Variants in NAALADL2 observed in about 807,000 individuals in gnomAD.
NAALADL2 encodes N-acetylated alpha-linked acidic dipeptidase like 2.
A neutral mutation model predicts 87.2 loss-of-function variants in NAALADL2; 76 were observed. The observed-to-expected ratio is 0.87, with a 90% CI of 0.72 to 1.05. The LOEUF is 1.05. Ranked by LOEUF, NAALADL2 falls within the 50% of genes least tolerant of loss-of-function variation. The pLI is 0.00. For missense variants in NAALADL2, 1,089 were observed against 945.8 expected (o/e 1.15, Z -1.99); for synonymous variants, 354 against 331.0 (o/e 1.07, Z -0.75).
chr3:175,530,873 C>T (rs1411611726), intron 9 of NAALADL2, among the ~76,000 whole-genome samples: 4 of 152,160 alleles, frequency 2.6e-5, no homozygotes, highest in African/African-American at 9.7e-5. Flanking sequence ...CATGTGGTGA[C>T]TTGATGACCC....
chr3:175,280,845 C>A (rs1275255052), intron 4 of NAALADL2, among the ~76,000 whole-genome samples: 1 of 151,930 alleles, frequency 6.6e-6, no homozygotes, highest in Non-Finnish European at 1.5e-5. Flanking sequence ...ACTTGTTTGA[C>A]CATTTTTAAT....
intron 2 of NAALADL2, among the ~76,000 whole-genome samples, chr3:174,698,103 T>A (rs1229352598): frequency 2.0e-5 from 3 of 151,904 alleles, no homozygotes; most frequent in African/African-American, 7.3e-5. Flanking sequence ...AAAATAATAA[T>A]AAATACCAAT....
intron 2 of NAALADL2, among the ~76,000 whole-genome samples, chr3:174,689,593 G>A (rs1728374632): frequency 6.6e-6 from 1 of 151,884 alleles, no homozygotes; most frequent in Non-Finnish European, 1.5e-5. Context: ...AAATCTCCAG[G>A]TAGTTCTCCT....
chr3:174,669,551 A>G lies in NAALADL2; in HGVS notation c.-114-68090A>G, dbSNP rs143833072. 2.8e-3 allele frequency among the ~76,000 whole-genome samples: 427 copies of G among 152,152 alleles called. 4 individuals carry two copies. Among genetic ancestry groups the G allele is most frequent in the Admixed American group, 0.014 (210 of 15,260 alleles). On this transcript the variant is annotated intron_variant, in intron 2 of 3. Coordinates refer to the NAALADL2 transcript ENST00000434257. ...CTCTTGTCAAAGGTAATTTGACCGT[A>G]TATGTTAAGGTTTATATCTAGGTTC... is the stretch of plus-strand genomic sequence containing the variant.
At chr3:174,961,060 TATATC>T (rs1477244541) in intron 1 of NAALADL2, among the ~76,000 whole-genome samples, 3 of 147,118 alleles carry the variant, frequency 2.0e-5, no homozygotes, top group Non-Finnish European at 4.5e-5. Context: ...ATATATTAAA[TATATC>T]ATATGTATTA....
intron 2 of NAALADL2, among the ~76,000 whole-genome samples, chr3:175,133,503 C>T (rs913149545): frequency 2.0e-5 from 3 of 152,190 alleles, no homozygotes; most frequent in Admixed American, 6.5e-5. Flanking sequence ...GCGGATCACT[C>T]GCAGCTAGGA....
chr3:174,778,692 T>C (rs1449464963), intron 3 of NAALADL2, among the ~76,000 whole-genome samples: 2 of 152,106 alleles, frequency 1.3e-5, no homozygotes, highest in Non-Finnish European at 2.9e-5. Flanking sequence ...TATGTTCTCA[T>C]TGTTCAACTC....
At chr3:175,086,868 C>A (rs908477678) in intron 1 of NAALADL2, among the ~76,000 whole-genome samples, 1 of 152,222 alleles carries the variant, frequency 6.6e-6, no homozygotes, top group Admixed American at 6.5e-5. Context: ...GATTATTTAT[C>A]ATCCTTTCTT....
chr3:174,835,845 C>T (rs1723271161), intron 3 of NAALADL2, among the ~76,000 whole-genome samples: 1 of 152,066 alleles, frequency 6.6e-6, no homozygotes, highest in Non-Finnish European at 1.5e-5. Flanking sequence ...AGAAAAATAG[C>T]AAATAACAAG....
chr3:175,151,741 G>A (rs1344342786), intron 2 of NAALADL2, among the ~76,000 whole-genome samples: 1 of 152,034 alleles, frequency 6.6e-6, no homozygotes, highest in Non-Finnish European at 1.5e-5. Context: ...AAAAACCTAT[G>A]TAAAAAATAG....
chr3:174,634,315 A>C (rs1046213016), intron 2 of NAALADL2, among the ~76,000 whole-genome samples: 19 of 152,216 alleles, frequency 1.2e-4, no homozygotes, highest in African/African-American at 4.3e-4. Context: ...TACCTCCACA[A>C]ATCTTTGTGT....
At chr3:174,881,841 A>G (rs888220541) in intron 1 of NAALADL2, among the ~76,000 whole-genome samples, 15 of 152,148 alleles carry the variant, frequency 9.9e-5, no homozygotes. Flanking sequence ...GAGAAATGCA[A>G]TTTCAAAGAG....
At chr3:174,568,406 G>A (rs753787187) in intron 2 of NAALADL2, among the ~76,000 whole-genome samples, 6 of 151,826 alleles carry the variant, frequency 4.0e-5, no homozygotes, top group Admixed American at 1.3e-4. Flanking sequence ...TCACCACACC[G>A]TATTGCTTGC....
chr3:174,863,578 G>GAA (rs535994765), intron 1 of NAALADL2, among the ~76,000 whole-genome samples: 1 of 142,984 alleles, frequency 7.0e-6, no homozygotes, highest in Non-Finnish European at 1.5e-5. Context: ...ATAAGTAAAA[G>GAA]AAAAAAAAAA....
At chr3:174,810,255 G>A (rs1720020292) in intron 3 of NAALADL2, among the ~76,000 whole-genome samples, 1 of 152,132 alleles carries the variant, frequency 6.6e-6, no homozygotes, top group South Asian at 2.1e-4. Context: ...GACAGAGGGT[G>A]AAAGAGTTTG....
chr3:175,286,978 G>T (rs150082788), intron 4 of NAALADL2, among the ~76,000 whole-genome samples: 2 of 151,534 alleles, frequency 1.3e-5, no homozygotes, highest in Non-Finnish European at 2.9e-5. Flanking sequence ...GGGTATGGTG[G>T]GGGTGGAGGG....
chr3:175,801,691 A>G (rs186194137), intron 13 of NAALADL2, among the ~76,000 whole-genome samples: 1 of 152,218 alleles, frequency 6.6e-6, no homozygotes, highest in East Asian at 1.9e-4. Context: ...CTCTACTATA[A>G]CAATTAGAAA....
At chr3:175,686,000 T>A (rs1736244342) in intron 11 of NAALADL2, among the ~76,000 whole-genome samples, 1 of 152,214 alleles carries the variant, frequency 6.6e-6, no homozygotes, top group Non-Finnish European at 1.5e-5. Flanking sequence ...ACCATCACAA[T>A]GTATAAACAA....
At chr3:174,871,412 T>C in intron 1 of NAALADL2, among the ~76,000 whole-genome samples, 1 of 152,246 alleles carries the variant, frequency 6.6e-6, no homozygotes, top group Admixed American at 6.5e-5. Flanking sequence ...CTATTGATCT[T>C]CAGCATCTGG....
Sources: gnomAD v4.1 joint callset for allele counts (sites outside exome capture counted in the v4.1 genomes callset) on GRCh38, gnomAD v4.1.1 for gene constraint, MANE v1.5 for transcripts, NCBI Gene and HGNC (gene_info 2026-07-23, HGNC 2026-07-21) for gene names.